The following DEFB125 variants were observed in gnomAD, a reference collection of about 807,000 sequenced individuals.
The protein encoded by DEFB125 is beta-defensin 125.
DEFB125 carries 11 observed loss-of-function variants against 11.8 expected under a neutral mutation model. That is an observed-to-expected ratio of 0.94 (90% CI 0.59 to 1.55). The LOEUF is 1.55. Ranked by LOEUF, DEFB125 falls within the 40% of genes most tolerant of loss-of-function variation. The probability of loss-of-function intolerance (pLI) is 0.00; values close to 1 mark genes in which losing one functional copy is unlikely to be tolerated. For missense variants in DEFB125, 198 were observed against 191.2 expected (o/e 1.04, Z -0.21); for synonymous variants, 79 against 66.7 (o/e 1.18, Z -0.90).
At position 96,541 on chromosome 20, in the gene DEFB125, G is replaced by A. The variant is rs2054516620; in HGVS notation, c.*124G>A. 2 of 1,208,588 alleles carry A rather than the reference G, an allele frequency of 1.7e-6. No homozygotes were observed. Among genetic ancestry groups the A allele is most frequent in the Non-Finnish European group, 2.3e-6 (2 of 870,364 alleles). The allele number at this position is 1,208,588 out of a possible 1,614,324, so 74.9% of individuals were successfully genotyped here. The stretch of plus-strand genomic sequence containing the variant: ...CAGGGATTGGATGACCATGGGGATG[G>A]ACATAATTGCTACTACCAACACAAC... On this transcript the variant is annotated 3_prime_UTR_variant, in exon 2 of 2. Coordinates refer to ENST00000382410, the MANE Select transcript of DEFB125 (RefSeq NM_153325.4).
In DEFB125 at chr20:96,640, G is replaced by A; in HGVS notation, c.*223G>A. ...AGAAGATACAAGGATTCTCTTAATTGGACTTAAATTCTTTATCTGTCTTCC... is the reference window on the plus strand; with the variant it reads ...AGAAGATACAAGGATTCTCTTAATTAGACTTAAATTCTTTATCTGTCTTCC... On this transcript the variant is annotated 3_prime_UTR_variant, in exon 2 of 2. Transcript: ENST00000382410. 3 of 507,142 alleles carry A rather than the reference G, an allele frequency of 5.9e-6. No individual in the cohort carries two copies. Among genetic ancestry groups the A allele is most frequent in the African/African-American group, 1.9e-5 (1 of 52,548 alleles). 31.4% of individuals were successfully genotyped at this position (507,142 alleles called of 1,614,324 possible). A position where few individuals can be genotyped will look rare whatever the true frequency, so the allele number is the denominator to read the frequency against.
At position 96,367 on chromosome 20, in the gene DEFB125, A is replaced by G. The variant is rs776824971; in HGVS notation, c.421A>G (p.Thr141Ala). 1.2e-6 allele frequency: 2 copies of G among 1,613,910 alleles called. No homozygotes were observed. Among genetic ancestry groups the G allele is most frequent in the African/African-American group, 1.3e-5 (1 of 74,914 alleles). Residue 141 changes from threonine to alanine, a missense_variant, in exon 2 of 2, where the codon ACT (threonine) becomes GCT (alanine). Physicochemically the swap from Thr to Ala is moderately conservative, Grantham distance 58. Coordinates refer to ENST00000382410, the MANE Select transcript of DEFB125 (RefSeq NM_153325.4). ...ETTMPPSETA[T>A]SETMPPPSQT... ...TACTATGCCACCATCTGAGACTGCT[A>G]CTTCCGAGACTATGCCACCACCTTC...
intron 1 of DEFB125, among the ~76,000 whole-genome samples, chr20:88,767 C>T (rs17685809): frequency 0.071 from 10,718 of 151,956 alleles, 453 homozygotes; most frequent in Middle Eastern, 0.1. Context: ...TTAATTACTC[C>T]GCTACTGATG....
intron 1 of DEFB125, among the ~76,000 whole-genome samples, chr20:92,423 T>C (rs1326185423): frequency 6.6e-6 from 1 of 150,800 alleles, no homozygotes; most frequent in Non-Finnish European, 1.5e-5. Flanking sequence ...AGACAGAGTC[T>C]TTCTCTGTCA....
chr20:90,147 T>G (rs2054491083), intron 1 of DEFB125, among the ~76,000 whole-genome samples: 5 of 152,202 alleles, frequency 3.3e-5, no homozygotes, highest in Non-Finnish European at 1.5e-5. Flanking sequence ...CTCCCCTACT[T>G]AGAAACATAC....
At chr20:88,889 C>T (rs1159269534) in intron 1 of DEFB125, among the ~76,000 whole-genome samples, 1 of 151,926 alleles carries the variant, frequency 6.6e-6, no homozygotes, top group African/African-American at 2.4e-5. Context: ...CACACACACA[C>T]ACACAGTCAA....
intron 1 of DEFB125, among the ~76,000 whole-genome samples, chr20:92,395 CTTT>C (rs11483976): frequency 2.9e-5 from 4 of 137,528 alleles, no homozygotes; most frequent in Non-Finnish European, 3.1e-5. Context: ...AACCTTCCTT[CTTT>C]TTTTTTTTTT....
intron 1 of DEFB125, among the ~76,000 whole-genome samples, chr20:91,555 A>T (rs531150689): frequency 1.3e-5 from 2 of 152,300 alleles, no homozygotes; most frequent in South Asian, 2.1e-4. Flanking sequence ...TTGTCTGTTT[A>T]GTTCACAGAT....
At chr20:91,120 A>G (rs949086526) in intron 1 of DEFB125, among the ~76,000 whole-genome samples, 1 of 152,074 alleles carries the variant, frequency 6.6e-6, no homozygotes, top group African/African-American at 2.4e-5. Context: ...ATGTCTATTC[A>G]AATCTTTTGC....
intron 1 of DEFB125, 30 bp downstream of exon 1, chr20:87,797 G>C: frequency 1.2e-6 from 2 of 1,610,346 alleles, no homozygotes; most frequent in Non-Finnish European, 1.7e-6. Flanking sequence ...CAGAGATGAT[G>C]ACTAGGATGA....
At position 96,211 on chromosome 20, in the gene DEFB125, A is replaced by G; in HGVS notation, c.265A>G (p.Thr89Ala). ...TLDYSDVDSF[T>A]GSPVSMLNDL... Reference sequence around the variant, plus strand: ...GGATTATAGTGATGTGGACTCTTTTACTGGTTCCCCAGTATCTATGTTGAA... The same window carrying G: ...GGATTATAGTGATGTGGACTCTTTTGCTGGTTCCCCAGTATCTATGTTGAA... Residue 89 changes from threonine to alanine, a missense_variant, in exon 2 of 2, where the codon ACT (threonine) becomes GCT (alanine). Transcript: ENST00000382410. The G allele has an allele frequency of 6.2e-7, 1 of 1,614,204 alleles. No individual in the cohort carries two copies. The highest frequency in any genetic ancestry group is 8.5e-7 in the Non-Finnish European group (1 of 1,180,026).
intron 1 of DEFB125, among the ~76,000 whole-genome samples, chr20:91,549 C>T (rs146545972): frequency 1.5e-4 from 23 of 152,230 alleles, no homozygotes; most frequent in Admixed American, 3.9e-4. Flanking sequence ...TGATTTTTGT[C>T]TGTTTAGTTC....
Position 90,745 on chromosome 20 carries a change from A to G in DEFB125, c.58+2978A>G, listed in dbSNP as rs562837418. Among the ~76,000 whole-genome samples the G allele has an allele frequency of 6.2e-4, 94 of 152,230 alleles. No individual in the cohort carries two copies. The Middle Eastern group carries it at 0.014, about 22-fold the overall frequency. ...TTATAGTCCTTGTTCACTCCACTACAGCCACACAAGCCCCAGTGCTCTTCC... is the reference window on the plus strand; with the variant it reads ...TTATAGTCCTTGTTCACTCCACTACGGCCACACAAGCCCCAGTGCTCTTCC... On this transcript the variant is annotated intron_variant, in intron 1 of 1. Coordinates refer to ENST00000382410, the MANE Select transcript of DEFB125 (RefSeq NM_153325.4).
At chr20:89,888 T>G (rs781554122) in intron 1 of DEFB125, among the ~76,000 whole-genome samples, 1 of 152,164 alleles carries the variant, frequency 6.6e-6, no homozygotes, top group Non-Finnish European at 1.5e-5. Flanking sequence ...TTCTTTTGAT[T>G]TAGAGATTTT....
intron 1 of DEFB125, among the ~76,000 whole-genome samples, chr20:94,853 T>C (rs1435197797): frequency 6.6e-6 from 1 of 152,164 alleles, no homozygotes; most frequent in Admixed American, 6.5e-5. Flanking sequence ...TGAAAACATG[T>C]GGTATTTATC....
At chr20:88,717 T>C (rs1299064806) in intron 1 of DEFB125, among the ~76,000 whole-genome samples, 3 of 152,210 alleles carry the variant, frequency 2.0e-5, no homozygotes, top group Non-Finnish European at 2.9e-5. Context: ...TTTTAATCGA[T>C]AAGTAAAACT....
chr20:94,568 C>A (rs549630624), intron 1 of DEFB125, among the ~76,000 whole-genome samples: 90 of 152,212 alleles, frequency 5.9e-4, no homozygotes, highest in Non-Finnish European at 8.1e-4. Flanking sequence ...GCTGATCTGA[C>A]AAGAGATGGA....
chr20:96,081 C>T lies in DEFB125; in HGVS notation c.135C>T (p.Tyr45=), dbSNP rs532933005. The T allele has an allele frequency of 1.2e-6, 2 of 1,614,016 alleles. No homozygotes were observed. The highest frequency in any genetic ancestry group is 1.7e-6 in the Non-Finnish European group (2 of 1,180,010). The change falls in exon 2 of 2, where the codon TAC becomes TAT. Residue 45 remains tyrosine, a synonymous_variant. Coordinates refer to ENST00000382410, the MANE Select transcript of DEFB125 (RefSeq NM_153325.4). The part of the protein sequence containing the change: ...CRRRCLDTER[Y]ILLCRNKLSC... Reference sequence around the variant, plus strand: ...GACGATGTTTAGATACTGAAAGGTACATACTTCTTTGTAGGAACAAGCTAT... The same window carrying T: ...GACGATGTTTAGATACTGAAAGGTATATACTTCTTTGTAGGAACAAGCTAT...
chr20:92,119 A>T (rs2054498307), intron 1 of DEFB125, among the ~76,000 whole-genome samples: 1 of 152,140 alleles, frequency 6.6e-6, no homozygotes, highest in Non-Finnish European at 1.5e-5. Flanking sequence ...AGTTCAAATA[A>T]GGTTGTTTAG....
Sources: allele counts gnomAD v4.1 joint callset (sites outside exome capture counted in the v4.1 genomes callset), GRCh38; gene constraint gnomAD v4.1.1; transcripts MANE v1.5; gene names NCBI Gene and HGNC (gene_info 2026-07-23, HGNC 2026-07-21).